COL23A1: variants seen among roughly 807,000 people sequenced by gnomAD.
COL23A1 encodes the protein collagen alpha-1(XXIII) chain.
A neutral mutation model predicts 99.3 loss-of-function variants in COL23A1; 97 were observed. The ratio of observed to expected loss-of-function variants is 0.98; its 90% confidence interval spans 0.83 to 1.16. The LOEUF is 1.16. COL23A1 is among the 50% of genes most tolerant of loss of function. The pLI is 0.00. For missense variants in COL23A1, 762 were observed against 757.4 expected (o/e 1.01, Z -0.07); for synonymous variants, 320 against 308.2 (o/e 1.04, Z -0.40).
chr5:178,300,605 A>G (rs1757980868), intron 3 of COL23A1, among the ~76,000 whole-genome samples: 1 of 151,484 alleles, frequency 6.6e-6, no homozygotes, highest in African/African-American at 2.4e-5. Flanking sequence ...GCTGGAGTGC[A>G]GTGGCATGAT....
intron 18 of COL23A1, among the ~76,000 whole-genome samples, chr5:178,249,779 T>G (rs1764932506): frequency 7.2e-6 from 1 of 138,100 alleles, no homozygotes; most frequent in South Asian, 2.4e-4. Context: ...ACAATGCTCT[T>G]AGCCTTTGTG....
chr5:178,470,519 G>A (rs765698547), intron 2 of COL23A1, among the ~76,000 whole-genome samples: 2 of 152,176 alleles, frequency 1.3e-5, no homozygotes, highest in African/African-American at 4.8e-5. Context: ...TCGAGCAGAG[G>A]GCCCCTGCAG....
At chr5:178,332,838 G>A (rs1350507061) in intron 2 of COL23A1, among the ~76,000 whole-genome samples, 1 of 151,818 alleles carries the variant, frequency 6.6e-6, no homozygotes, top group Non-Finnish European at 1.5e-5. Flanking sequence ...AGAGGGAGTG[G>A]CTCCTAGATA....
intron 2 of COL23A1, among the ~76,000 whole-genome samples, chr5:178,501,761 A>G (rs894256071): frequency 6.6e-6 from 1 of 152,176 alleles, no homozygotes; most frequent in Non-Finnish European, 1.5e-5. Flanking sequence ...CTGGGCCTTC[A>G]TGTGAGCAGG....
intron 2 of COL23A1, among the ~76,000 whole-genome samples, chr5:178,449,894 T>C (rs778079312): frequency 2.0e-5 from 3 of 152,138 alleles, no homozygotes; most frequent in Non-Finnish European, 4.4e-5. Flanking sequence ...TTCACCCACG[T>C]TGGTCTAGTA....
chr5:178,314,778 T>C lies in COL23A1; in HGVS notation c.362-7859A>G, dbSNP rs146184203. 1.8e-3 allele frequency among the ~76,000 whole-genome samples: 272 copies of C among 152,302 alleles called. 1 individual carries two copies. Among genetic ancestry groups the C allele is most frequent in the African/African-American group, 6.1e-3 (254 of 41,562 alleles). ...GGCTGTTACTGTTATCTCCATTTTA[T>C]AGATGAAGAAACTGAGGCACAGGGA... On this transcript the variant is annotated intron_variant, in intron 2 of 28. Transcript: ENST00000390654.
rs1763720008 is a variant in COL23A1, at chr5:178,387,183, C to T, written c.362-80264G>A. On this transcript the variant is annotated intron_variant, in intron 2 of 28. Transcript: ENST00000390654. This position sits in a 1 kb window ranked among gnomAD's most constrained non-coding sequence, Gnocchi z 4.7. ...TACCCATCCTGGTGCTGACAGCTCA[C>T]AGCAACCCTGCCCGAGTCTTCAATG... Among the ~76,000 whole-genome samples, 1 of 152,128 alleles carries T rather than the reference C, an allele frequency of 6.6e-6. No homozygotes were observed. The highest frequency in any genetic ancestry group is 6.5e-5 in the Admixed American group (1 of 15,276).
chr5:178,585,253 G>T (rs888923810), intron 1 of COL23A1, among the ~76,000 whole-genome samples: 2 of 152,184 alleles, frequency 1.3e-5, no homozygotes, highest in Non-Finnish European at 2.9e-5. Flanking sequence ...CTCCTCTGGG[G>T]TGACAACAGA....
chr5:178,253,799 C>T (rs1002345065), intron 16 of COL23A1, among the ~76,000 whole-genome samples: 6 of 151,310 alleles, frequency 4.0e-5, no homozygotes, highest in African/African-American at 1.5e-4. Flanking sequence ...ATTTTTTTAA[C>T]ATCATGCCCT....
intron 2 of COL23A1, among the ~76,000 whole-genome samples, chr5:178,518,616 A>ACGATGGG (rs1227035915): frequency 1.4e-5 from 2 of 142,354 alleles, no homozygotes; most frequent in African/African-American, 5.6e-5. Flanking sequence ...CACATCTCAG[A>ACGATGGG]CGATGGGCGG....
At chr5:178,454,646 G>A (rs1231238499) in intron 2 of COL23A1, among the ~76,000 whole-genome samples, 1 of 152,174 alleles carries the variant, frequency 6.6e-6, no homozygotes, top group African/African-American at 2.4e-5. Context: ...TGACTCCCGG[G>A]ATTCCCTTCC....
intron 2 of COL23A1, among the ~76,000 whole-genome samples, chr5:178,433,429 C>A (rs1766374183): frequency 6.6e-6 from 1 of 152,202 alleles, no homozygotes; most frequent in Non-Finnish European, 1.5e-5. Flanking sequence ...GGGGTCGCCA[C>A]CCTCCTAACA....
intron 5 of COL23A1, among the ~76,000 whole-genome samples, chr5:178,284,063 T>C (rs925299601): frequency 2.6e-5 from 4 of 152,208 alleles, no homozygotes; most frequent in African/African-American, 9.7e-5. Flanking sequence ...TAAATACTGA[T>C]TACTACCCCA....
At chr5:178,288,682 C>A (rs1183025003) in intron 4 of COL23A1, 6 of 411,954 alleles carry the variant, frequency 1.5e-5, no homozygotes, top group Non-Finnish European at 2.8e-5. Context: ...AACCACACGA[C>A]CAACCAGGAA....
intron 2 of COL23A1, among the ~76,000 whole-genome samples, chr5:178,327,966 C>T (rs1477801683): frequency 6.6e-6 from 1 of 152,218 alleles, no homozygotes; most frequent in African/African-American, 2.4e-5. Context: ...CCAGCTAGGG[C>T]TGAAGGACTG....
At chr5:178,570,820 G>A (rs1413344759) in intron 1 of COL23A1, among the ~76,000 whole-genome samples, 3 of 152,152 alleles carry the variant, frequency 2.0e-5, no homozygotes, top group African/African-American at 7.2e-5. Context: ...AGCCAAGGGA[G>A]GCCGAGGCAG....
At chr5:178,465,425 T>C (rs1009913133) in intron 2 of COL23A1, among the ~76,000 whole-genome samples, 1 of 152,164 alleles carries the variant, frequency 6.6e-6, no homozygotes, top group African/African-American at 2.4e-5. Context: ...GTTTTCTCTC[T>C]CAGAAGGTCA....
At chr5:178,368,759 G>A (rs2127718358) in intron 2 of COL23A1, among the ~76,000 whole-genome samples, 1 of 152,366 alleles carries the variant, frequency 6.6e-6, no homozygotes, top group South Asian at 2.1e-4. Flanking sequence ...CCTTCCAGGA[G>A]GACCAGGTGC....
rs777411911 is a variant in COL23A1, at chr5:178,248,273, CTG to C, written c.1150-21_1150-20del. ...CAGCGCCCTGCAGGACGGCAATGGC[CTG>C]TGAGTCCTTTGTGTCCAGCACCTGT... On this transcript the variant is annotated intron_variant, in intron 19 of 28. Coordinates refer to ENST00000390654, the MANE Select transcript of COL23A1 (RefSeq NM_173465.4). 2 of 1,604,954 alleles carry C rather than the reference CTG, an allele frequency of 1.2e-6. No homozygotes were observed. The highest frequency in any genetic ancestry group is 2.2e-5 in the East Asian group (1 of 44,702).
Sources: gnomAD v4.1 joint callset for allele counts (sites outside exome capture counted in the v4.1 genomes callset) on GRCh38, gnomAD v4.1.1 for gene constraint, Gnocchi (gnomAD v3.1) non-coding constraint, MANE v1.5 for transcripts, NCBI Gene and HGNC (gene_info 2026-07-23, HGNC 2026-07-21) for gene names.